RPS6KC1: variants seen among roughly 807,000 people sequenced by gnomAD.
RPS6KC1 encodes inactive ribosomal protein S6 kinase delta-1.
A neutral mutation model predicts 103.8 loss-of-function variants in RPS6KC1; 54 were observed. The ratio of observed to expected loss-of-function variants is 0.52; its 90% CI spans 0.42 to 0.65. The LOEUF (loss-of-function observed/expected upper bound fraction) is 0.65. Among genes scored for constraint, RPS6KC1 ranks in the 30% least tolerant of loss-of-function variants. The pLI is 0.00. For missense variants in RPS6KC1, 1,151 were observed against 1,253.8 expected, an observed-to-expected ratio of 0.92 and a Z score of 1.24; for synonymous variants, 439 against 438.7, an observed-to-expected ratio of 1.00 and a Z score of -0.01.
intron 3 of RPS6KC1, among the ~76,000 whole-genome samples, chr1:213,081,718 G>T (rs1181809086): frequency 1.3e-5 from 2 of 149,570 alleles, no homozygotes; most frequent in African/African-American, 4.9e-5. Context: ...TTTTCCTATG[G>T]TTAAGAACAT....
chr1:213,178,968 C>T (rs2148333475), intron 8 of RPS6KC1, among the ~76,000 whole-genome samples: 1 of 152,164 alleles, frequency 6.6e-6, no homozygotes. Context: ...GATCCACTCG[C>T]CTCGGCCTCT....
intron 14 of RPS6KC1, among the ~76,000 whole-genome samples, chr1:213,264,355 T>C (rs1333023226): frequency 6.6e-6 from 1 of 152,160 alleles, no homozygotes; most frequent in East Asian, 1.9e-4. Flanking sequence ...AAAGAACAGC[T>C]ATTCATTTGA....
rs1487204129 is a variant in RPS6KC1 at position 213,104,540 on chromosome 1, A to G, written c.349A>G (p.Asn117Asp). 1.2e-6 allele frequency: 2 copies of G among 1,602,998 alleles called. No homozygotes were observed. Among genetic ancestry groups the G allele is most frequent in the East Asian group, 2.2e-5 (1 of 44,572 alleles). Residue 117 changes from asparagine (N) to aspartate (D), a missense_variant, in exon 4 of 15, where the codon AAT becomes GAT. This residue lies in a region of RPS6KC1 where 959 missense variants were observed against 1,006.3 expected (regional missense o/e 0.95). Coordinates refer to ENST00000366960, the MANE Select transcript of RPS6KC1 (RefSeq NM_012424.6). ...CTCTGCCAATATTCCTGCTCTTTAC[A>G]ATAGTAAACAGCTTGAAGACTTTTT... is the stretch of plus-strand genomic sequence containing the variant. ...QFSANIPALY[N>D]SKQLEDFFKG...
chr1:213,159,890 A>T (rs988434405), intron 6 of RPS6KC1, among the ~76,000 whole-genome samples: 1 of 152,224 alleles, frequency 6.6e-6, no homozygotes, highest in Non-Finnish European at 1.5e-5. Context: ...ATCAGAAGAA[A>T]TGTGGATATC....
intron 8 of RPS6KC1, among the ~76,000 whole-genome samples, chr1:213,224,253 C>G (rs1043403987): frequency 2.6e-5 from 4 of 152,104 alleles, no homozygotes; most frequent in Admixed American, 2.0e-4. Flanking sequence ...AGACTCAAAC[C>G]TGTAATCAGT....
At chr1:213,206,726 T>C (rs1320951757) in intron 8 of RPS6KC1, among the ~76,000 whole-genome samples, 1 of 152,224 alleles carries the variant, frequency 6.6e-6, no homozygotes, top group Non-Finnish European at 1.5e-5. Context: ...TGTATGTTAA[T>C]TTCTTTTATC....
chr1:213,325,982 G>T, the RPS6KC1 span, among the ~76,000 whole-genome samples: 4 of 152,148 alleles, frequency 2.6e-5, no homozygotes, highest in African/African-American at 7.2e-5. Flanking sequence ...CCCTCTTCAG[G>T]GTTTCTCCCA....
chr1:213,643,491 G>A, the RPS6KC1 span, among the ~76,000 whole-genome samples: 1 of 151,334 alleles, frequency 6.6e-6, no homozygotes, highest in African/African-American at 2.4e-5. Flanking sequence ...TGCTTATCTG[G>A]TATCCAGAAT....
chr1:213,470,757 A>G, the RPS6KC1 span, among the ~76,000 whole-genome samples: 2 of 151,550 alleles, frequency 1.3e-5, no homozygotes, highest in African/African-American at 4.9e-5. Context: ...AGTAGTTGAG[A>G]CTATGGGCAT....
At chr1:213,649,383 G>A in the RPS6KC1 span, among the ~76,000 whole-genome samples, 1 of 151,760 alleles carries the variant, frequency 6.6e-6, no homozygotes, top group Non-Finnish European at 1.5e-5. Flanking sequence ...AACAGCCTCT[G>A]GGCCCCTGAC....
the RPS6KC1 span, among the ~76,000 whole-genome samples, chr1:213,400,028 G>T: frequency 4.6e-5 from 7 of 152,208 alleles, no homozygotes; most frequent in Non-Finnish European, 7.3e-5. Context: ...CGAATCACTT[G>T]AAAGATCAGC....
the RPS6KC1 span, among the ~76,000 whole-genome samples, chr1:213,643,429 G>A: frequency 9.3e-5 from 14 of 150,724 alleles, no homozygotes; most frequent in African/African-American, 3.4e-4. Flanking sequence ...TTTCTGTCTT[G>A]TTTTATGTTT....
At chr1:213,635,883 C>G in the RPS6KC1 span, among the ~76,000 whole-genome samples, 1 of 152,088 alleles carries the variant, frequency 6.6e-6, no homozygotes, top group East Asian at 1.9e-4. Flanking sequence ...TTGTCTCAGC[C>G]CAAATCTCCT....
At chr1:213,759,092 T>A in the RPS6KC1 span, among the ~76,000 whole-genome samples, 3 of 152,134 alleles carry the variant, frequency 2.0e-5, no homozygotes, top group Non-Finnish European at 4.4e-5. Context: ...TGTCTTATTT[T>A]AAGAAATTGT....
the RPS6KC1 span, among the ~76,000 whole-genome samples, chr1:213,777,724 A>G: frequency 1.3e-5 from 2 of 152,188 alleles, no homozygotes; most frequent in Admixed American, 1.3e-4. Context: ...GCAATCCTAC[A>G]TTAGTTTCTT....
chr1:213,563,880 G>T, the RPS6KC1 span, among the ~76,000 whole-genome samples: 2 of 148,800 alleles, frequency 1.3e-5, no homozygotes, highest in Non-Finnish European at 3.0e-5. Flanking sequence ...TATTCATACT[G>T]TAATTTTTCA....
intron 12 of RPS6KC1, among the ~76,000 whole-genome samples, chr1:213,253,402 G>A (rs1015098601): frequency 6.6e-6 from 1 of 152,156 alleles, no homozygotes; most frequent in Non-Finnish European, 1.5e-5. Flanking sequence ...CATTTTAAAA[G>A]TGATGTCTTT....
the RPS6KC1 span, among the ~76,000 whole-genome samples, chr1:213,523,050 A>G: frequency 6.6e-6 from 1 of 152,346 alleles, no homozygotes; most frequent in East Asian, 1.9e-4. Flanking sequence ...GTTTTGCTCT[A>G]AAGTGAGAGA....
At chr1:213,720,834 C>T in the RPS6KC1 span, among the ~76,000 whole-genome samples, 3 of 152,218 alleles carry the variant, frequency 2.0e-5, no homozygotes, top group African/African-American at 7.2e-5. Context: ...GAGAAGACCT[C>T]CTTGAGCCTC....
Sources: allele counts gnomAD v4.1 joint callset (sites outside exome capture counted in the v4.1 genomes callset), GRCh38; gene constraint gnomAD v4.1.1; regional missense constraint gnomAD v4.1.1; transcripts MANE v1.5; gene names NCBI Gene and HGNC (gene_info 2026-07-23, HGNC 2026-07-21).